The following TASP1 variants were observed in gnomAD, a reference collection of about 807,000 sequenced individuals.
TASP1 encodes the protein taspase 1.
TASP1 carries 16 observed loss-of-function variants against 56.6 expected under a neutral mutation model. The ratio of observed to expected loss-of-function variants is 0.28; its 90% CI spans 0.19 to 0.43. TASP1 has a LOEUF of 0.43. Among genes scored for constraint, TASP1 ranks in the 20% least tolerant of loss-of-function variants. The probability of loss-of-function intolerance (pLI) is 1.00; values close to 1 mark genes in which losing one functional copy is unlikely to be tolerated. For missense variants in TASP1, 393 were observed against 511.6 expected, an observed-to-expected ratio of 0.77 and a Z score of 2.24; for synonymous variants, 179 against 184.2, an observed-to-expected ratio of 0.97 and a Z score of 0.23.
chr20:13,151,151 C>A, the TASP1 span, among the ~76,000 whole-genome samples: 2,813 of 152,282 alleles, frequency 0.018, 54 homozygotes, highest in South Asian at 0.03. Flanking sequence ...TTCTACCAAC[C>A]AATGGCTTAC....
intron 4 of TASP1, among the ~76,000 whole-genome samples, chr20:13,605,244 T>C (rs572524577): frequency 6.6e-6 from 1 of 152,178 alleles, no homozygotes; most frequent in East Asian, 1.9e-4. Flanking sequence ...TTATACATCA[T>C]GATTGTACTG....
intron 11 of TASP1, among the ~76,000 whole-genome samples, chr20:13,464,867 T>A (rs1234827598): frequency 6.6e-6 from 1 of 151,904 alleles, no homozygotes; most frequent in African/African-American, 2.4e-5. Flanking sequence ...AACTGTACAC[T>A]TATGGTTAAA....
At chr20:13,532,371 T>C (rs2045254594) in intron 9 of TASP1, among the ~76,000 whole-genome samples, 1 of 152,234 alleles carries the variant, frequency 6.6e-6, no homozygotes, top group African/African-American at 2.4e-5. Context: ...TTGTATTTTG[T>C]TTCATTTGGG....
chr20:13,500,263 G>A (rs973221091), intron 10 of TASP1, among the ~76,000 whole-genome samples: 1 of 140,468 alleles, frequency 7.1e-6, no homozygotes, highest in South Asian at 2.4e-4. Flanking sequence ...GTGTATGTGT[G>A]TATATATATA....
chr20:13,471,536 C>T (rs553186038), intron 11 of TASP1, among the ~76,000 whole-genome samples: 3 of 152,254 alleles, frequency 2.0e-5, no homozygotes, highest in Non-Finnish European at 4.4e-5. Context: ...TATAAAGCCC[C>T]AGAGATTCTC....
chr20:13,520,149 C>T (rs1368785895), intron 10 of TASP1, among the ~76,000 whole-genome samples: 3 of 152,182 alleles, frequency 2.0e-5, no homozygotes, highest in Non-Finnish European at 4.4e-5. Flanking sequence ...AAGAACATTC[C>T]ATGCTCATGG....
chr20:13,211,442 C>G, the TASP1 span, among the ~76,000 whole-genome samples: 2 of 152,100 alleles, frequency 1.3e-5, no homozygotes, highest in African/African-American at 4.8e-5. Context: ...AGTCTGAGAA[C>G]AAGGCAATCC....
chr20:13,621,157 C>T (rs2048700094), intron 4 of TASP1, among the ~76,000 whole-genome samples: 2 of 152,106 alleles, frequency 1.3e-5, no homozygotes, highest in South Asian at 4.1e-4. Flanking sequence ...GGCACGGTGG[C>T]TCATGCCTGT....
At chr20:13,120,291 A>G in the TASP1 span, among the ~76,000 whole-genome samples, 1 of 152,154 alleles carries the variant, frequency 6.6e-6, no homozygotes, top group African/African-American at 2.4e-5. Flanking sequence ...GTATATCTCA[A>G]ATTCGGGGAT....
At chr20:13,193,068 C>T in the TASP1 span, among the ~76,000 whole-genome samples, 37 of 152,128 alleles carry the variant, frequency 2.4e-4, no homozygotes, top group African/African-American at 8.7e-4. Flanking sequence ...ATATTGTACA[C>T]TCTAGGGAAA....
At chr20:13,512,870 A>G (rs1048745144) in intron 10 of TASP1, among the ~76,000 whole-genome samples, 2 of 152,156 alleles carry the variant, frequency 1.3e-5, no homozygotes, top group Admixed American at 6.6e-5. Flanking sequence ...TCCTTTCCCC[A>G]TTGCTTGTTT....
intron 10 of TASP1, among the ~76,000 whole-genome samples, chr20:13,508,393 C>T (rs1347491293): frequency 6.6e-6 from 1 of 152,020 alleles, no homozygotes; most frequent in Non-Finnish European, 1.5e-5. Flanking sequence ...TGAAATGCTC[C>T]AAAATTTGAA....
At chr20:13,362,838 T>TATATATATATA in the TASP1 span, among the ~76,000 whole-genome samples, 43 of 145,108 alleles carry the variant, frequency 3.0e-4, no homozygotes, top group South Asian at 6.6e-4. Context: ...TATATATATA[T>TATATATATATA]TTGTCTCTCC....
chr20:13,298,538 G>C, the TASP1 span, among the ~76,000 whole-genome samples: 1 of 152,102 alleles, frequency 6.6e-6, no homozygotes, highest in South Asian at 2.1e-4. Flanking sequence ...CTAAAATTTA[G>C]GGGTGACATT....
intron 8 of TASP1, among the ~76,000 whole-genome samples, chr20:13,553,315 A>G (rs1032422435): frequency 9.9e-5 from 15 of 151,982 alleles, no homozygotes; most frequent in African/African-American, 3.4e-4. Flanking sequence ...CATTAAGCCC[A>G]CTCTGCATGG....
intron 10 of TASP1, among the ~76,000 whole-genome samples, chr20:13,528,008 G>A (rs930802215): frequency 6.6e-6 from 1 of 151,880 alleles, no homozygotes; most frequent in Non-Finnish European, 1.5e-5. Context: ...GATCACTTGA[G>A]GCCAAGAGTT....
the TASP1 span, chr20:13,292,492 T>C: frequency 7.1e-7 from 1 of 1,400,820 alleles, no homozygotes; most frequent in Non-Finnish European, 9.9e-7. Context: ...TTAATCCAAA[T>C]ATTGACTTAG....
chr20:13,221,774 A>T, the TASP1 span: 1 of 1,443,490 alleles, frequency 6.9e-7, no homozygotes, highest in Admixed American at 2.6e-5. Flanking sequence ...GCGTCTCAAA[A>T]GGATGGTGCG....
At chr20:13,457,772 A>G (rs1277052033) in intron 11 of TASP1, among the ~76,000 whole-genome samples, 1 of 152,162 alleles carries the variant, frequency 6.6e-6, no homozygotes, top group East Asian at 1.9e-4. Flanking sequence ...GACATTCACA[A>G]TCTAATAGAG....
Sources: allele counts gnomAD v4.1 joint callset (sites outside exome capture counted in the v4.1 genomes callset), GRCh38; gene constraint gnomAD v4.1.1; transcripts MANE v1.5; gene names NCBI Gene and HGNC (gene_info 2026-07-23, HGNC 2026-07-21).